ZNF444: variants seen among roughly 807,000 people sequenced by gnomAD.
ZNF444 encodes the protein zinc finger protein 444.
Under a neutral mutation model 14.4 loss-of-function variants are expected in ZNF444, and 8 were observed. The observed-to-expected ratio is 0.56, with a 90% CI of 0.33 to 1.00. The LOEUF is 1.00. Ranked by LOEUF, ZNF444 falls within the 50% of genes least tolerant of loss-of-function variation. The pLI, the probability that ZNF444 is intolerant of heterozygous loss-of-function variation, is 0.03. For missense variants in ZNF444, 510 were observed against 504.8 expected (o/e 1.01, Z -0.10); for synonymous variants, 258 against 235.9 (o/e 1.09, Z -0.86).
intron 4 of ZNF444, among the ~76,000 whole-genome samples, chr19:56,159,290 CTTCATCTACCCATCCATCATCTGTACA>C (rs2032113563): frequency 1.3e-5 from 2 of 151,792 alleles, no homozygotes. Context: ...CCCACGCATT[CTTCATCTACCCATCCATCATCTGTACA>C]TTCATCCATC....
In ZNF444 at chr19:56,147,521, A is replaced by G. The variant is rs2031274029; in HGVS notation, c.297+313A>G. The stretch of plus-strand genomic sequence containing the variant: ...GGAAGCAGCTGGGAAGAAGGCCACG[A>G]AGGCTCCAGGGAGCGCAGTTACCAG... On this transcript the variant is annotated intron_variant, in intron 3 of 4. Transcript: ENST00000337080. The surrounding 1 kb of genome is among the most constrained non-coding windows in gnomAD (Gnocchi z 5.9). Among the ~76,000 whole-genome samples the G allele has an allele frequency of 6.6e-6, 1 of 152,014 alleles. No individual in the cohort carries two copies. The highest frequency in any genetic ancestry group is 1.5e-5 in the Non-Finnish European group (1 of 67,994).
chr19:56,142,311 G>A (rs918567069), intron 1 of ZNF444: 2 of 152,198 alleles, frequency 1.3e-5, no homozygotes, highest in Admixed American at 1.3e-4. Flanking sequence ...TACAAAAGGT[G>A]CCTTGTACCT....
chr19:56,152,054 G>C (rs1439538648), intron 3 of ZNF444, among the ~76,000 whole-genome samples: 1 of 152,176 alleles, frequency 6.6e-6, no homozygotes, highest in Admixed American at 6.5e-5. Flanking sequence ...ACTGTCGGCC[G>C]GGCATGGTGG....
chr19:56,159,763 C>CGAGT lies in ZNF444; in HGVS notation c.548_551dup (p.Cys184Ter). 2 of 1,593,104 alleles carry CGAGT rather than the reference C, an allele frequency of 1.3e-6. No individual in the cohort carries two copies. Among genetic ancestry groups the CGAGT allele is most frequent in the Non-Finnish European group, 1.7e-6 (2 of 1,173,618 alleles). ...CGGCCCCGGGCACCACGTCCTGCCC[C>CGAGT]GAGTGCGGCAAAACGTCCCTGAAAC... On this transcript the variant is annotated frameshift_variant, in exon 5 of 5. Transcript: ENST00000337080. LOFTEE classifies it low-confidence loss of function (END_TRUNC).
At chr19:56,156,142 C>A (rs890561102) in intron 3 of ZNF444, 2 of 152,238 alleles carry the variant, frequency 1.3e-5, no homozygotes, top group African/African-American at 4.8e-5. Context: ...TGGAGAGCCA[C>A]GTATGGTGAG....
At chr19:56,139,728 A>G (rs895297277), upstream of ZNF444, among the ~76,000 whole-genome samples, 2 of 151,224 alleles carry the variant, frequency 1.3e-5, no homozygotes, top group Admixed American at 1.3e-4. Flanking sequence ...AAAAAAAAAA[A>G]GAAAAAAGAA....
chr19:56,134,065 T>TC, intron 1 of ZNF444, among the ~76,000 whole-genome samples: 2 of 151,900 alleles, frequency 1.3e-5, no homozygotes, highest in South Asian at 4.2e-4. Context: ...TGCTGGTTCT[T>TC]CCCCTTTCTG....
chr19:56,152,942 G>C (rs946830057), intron 3 of ZNF444, among the ~76,000 whole-genome samples: 1 of 152,278 alleles, frequency 6.6e-6, no homozygotes, highest in African/African-American at 2.4e-5. Context: ...ACAGACATTT[G>C]GTCTGCAGCA....
chr19:56,157,342 C>T (rs1021024174), intron 3 of ZNF444: 2 of 152,190 alleles, frequency 1.3e-5, no homozygotes, highest in African/African-American at 2.4e-5. Context: ...TGTATTTTGA[C>T]CCCCTTATTT....
chr19:56,159,348 C>A (rs2032119791), intron 4 of ZNF444, among the ~76,000 whole-genome samples: 1 of 151,984 alleles, frequency 6.6e-6, no homozygotes, highest in Non-Finnish European at 1.5e-5. Flanking sequence ...CCATTCATCA[C>A]CCATCATCCA....
chr19:56,137,516 CAT>C (rs983895049), upstream of ZNF444, among the ~76,000 whole-genome samples: 2 of 151,856 alleles, frequency 1.3e-5, no homozygotes, highest in African/African-American at 4.8e-5. Flanking sequence ...TGAGTTGAAA[CAT>C]AGTGATGAAG....
In ZNF444 at chr19:56,159,878, C is replaced by G. The variant is rs1411778198; in HGVS notation, c.661C>G (p.His221Asp). 1 of 1,530,596 alleles carries G rather than the reference C, an allele frequency of 6.5e-7. No homozygotes were observed. Among genetic ancestry groups the G allele is most frequent in the South Asian group, 1.2e-5 (1 of 83,488 alleles). 94.8% of individuals were successfully genotyped at this position (1,530,596 alleles called of 1,614,324 possible). The change falls in exon 5 of 5, where the codon CAC becomes GAC. Residue 221 changes from histidine to aspartate, a missense_variant. By Grantham distance (81) the His-to-Asp change is moderately conservative. Coordinates refer to ENST00000337080, the MANE Select transcript of ZNF444 (RefSeq NM_018337.4). ...ECGKAFRRKE[H>D]LRRHRDTHPG... ...CGGGAAGGCCTTTCGGCGCAAGGAG[C>G]ACCTGCGGCGCCACCGCGACACGCA...
At chr19:56,139,022 C>T (rs2030676940), upstream of ZNF444, among the ~76,000 whole-genome samples, 1 of 151,828 alleles carries the variant, frequency 6.6e-6, no homozygotes, top group African/African-American at 2.4e-5. Context: ...GTCTCGAACT[C>T]CTAACTTCTG....
At chr19:56,149,031 A>G (rs1441174995) in intron 3 of ZNF444, among the ~76,000 whole-genome samples, 2 of 146,266 alleles carry the variant, frequency 1.4e-5, no homozygotes, top group Non-Finnish European at 3.0e-5. Flanking sequence ...TCCATCCCCC[A>G]TCACTCCTCC....
chr19:56,155,890 C>G (rs373781291), intron 3 of ZNF444: 1 of 152,220 alleles, frequency 6.6e-6, no homozygotes, highest in Non-Finnish European at 1.5e-5. Context: ...CATGGTCTCC[C>G]TGGAGACAGT....
chr19:56,133,496 T>TCGA (rs2030538172), intron 1 of ZNF444, among the ~76,000 whole-genome samples: 1 of 151,998 alleles, frequency 6.6e-6, no homozygotes, highest in Non-Finnish European at 1.5e-5. Context: ...CCACTGAGCC[T>TCGA]CGATTATCCC....
intron 1 of ZNF444, among the ~76,000 whole-genome samples, chr19:56,133,905 A>G (rs2030551623): frequency 6.6e-6 from 1 of 151,924 alleles, no homozygotes; most frequent in Non-Finnish European, 1.5e-5. Context: ...AATGTGATCC[A>G]TCATTAAGCA....
chr19:56,133,153 G>A (rs902795166), intron 1 of ZNF444, among the ~76,000 whole-genome samples: 3 of 151,756 alleles, frequency 2.0e-5, no homozygotes, highest in African/African-American at 7.3e-5. Context: ...GGCCAGACTG[G>A]TCTCAAACTC....
chr19:56,157,286 C>G (rs1157226854), intron 3 of ZNF444: 1 of 152,378 alleles, frequency 6.6e-6, no homozygotes, highest in Non-Finnish European at 1.5e-5. Context: ...GCCTCAGCTG[C>G]CTGAGTCACT....
Sources: gnomAD v4.1 joint callset for allele counts (sites outside exome capture counted in the v4.1 genomes callset) on GRCh38, gnomAD v4.1.1 for gene constraint, Gnocchi (gnomAD v3.1) non-coding constraint, MANE v1.5 for transcripts, NCBI Gene and HGNC (gene_info 2026-07-23, HGNC 2026-07-21) for gene names.